SIPA1L2: variants seen among roughly 807,000 people sequenced by gnomAD.
SIPA1L2 encodes the protein signal induced proliferation associated 1 like 2, also known as signal-induced proliferation-associated 1-like protein 2.
SIPA1L2 carries 56 observed loss-of-function variants against 163.9 expected under a neutral mutation model. That is an observed-to-expected ratio of 0.34 (90% CI 0.28 to 0.43). SIPA1L2 has a LOEUF of 0.43. SIPA1L2 is among the 20% of genes least tolerant of loss of function. SIPA1L2 has a pLI of 1.00. For missense variants in SIPA1L2, 1,974 were observed against 2,193.5 expected (o/e 0.90, Z 2.00); for synonymous variants, 877 against 865.7 (o/e 1.01, Z -0.23).
chr1:232,564,654 C>T (rs1362013310), intron 2 of SIPA1L2, among the ~76,000 whole-genome samples: 2 of 152,010 alleles, frequency 1.3e-5, no homozygotes, highest in South Asian at 2.1e-4. Context: ...TTTAATTTAG[C>T]GTTTACTTTT....
At chr1:232,434,570 T>C (rs73111050) in intron 15 of SIPA1L2, among the ~76,000 whole-genome samples, 4,966 of 152,104 alleles carry the variant, frequency 0.033, 156 homozygotes, top group South Asian at 0.11. Flanking sequence ...CAAGGTGACC[T>C]GAGGAGTAAG....
chr1:232,482,961 C>T (rs1261853420), intron 6 of SIPA1L2, among the ~76,000 whole-genome samples: 1 of 152,170 alleles, frequency 6.6e-6, no homozygotes, highest in Non-Finnish European at 1.5e-5. Context: ...AGAGCAAGCA[C>T]TTAGTTGTTT....
At chr1:232,421,291 C>A (rs1661562096) in intron 18 of SIPA1L2, among the ~76,000 whole-genome samples, 1 of 152,158 alleles carries the variant, frequency 6.6e-6, no homozygotes, top group African/African-American at 2.4e-5. Flanking sequence ...GGAACCACTG[C>A]CTGCGCACCT....
At chr1:232,613,285 T>C (rs768675975) in intron 1 of SIPA1L2, among the ~76,000 whole-genome samples, 26 of 152,340 alleles carry the variant, frequency 1.7e-4, no homozygotes, top group Middle Eastern at 3.4e-3. Flanking sequence ...AGCAGTACTT[T>C]TTCAATGGAC....
In SIPA1L2 at chr1:232,480,166, T is replaced by C. The variant is rs140154481; in HGVS notation, c.1982-436A>G. 0.041 allele frequency among the ~76,000 whole-genome samples: 5,496 copies of C among 132,994 alleles called. 924 individuals carry two copies. The East Asian group carries it at 0.58, about 14-fold the overall frequency. The allele number at this position is 132,994 out of a possible 152,430, so 87.2% of individuals were successfully genotyped here. On this transcript the variant is annotated intron_variant, in intron 6 of 22. Transcript: ENST00000674635. ...GTGTGTGTGTGTGCGTGTGTGTGTG[T>C]GTGTGTGTGTGTGTGTGTGTGTGTG...
intron 1 of SIPA1L2, among the ~76,000 whole-genome samples, chr1:232,600,358 C>G (rs1025358670): frequency 6.6e-6 from 1 of 152,226 alleles, no homozygotes; most frequent in Admixed American, 6.5e-5. Flanking sequence ...TAAGTTATAG[C>G]CAAAATCAAT....
chr1:232,491,201 C>T, intron 4 of SIPA1L2, 139 bp from the exon 5 acceptor site: 1 of 698,890 alleles, frequency 1.4e-6, no homozygotes, highest in Non-Finnish European at 2.3e-6. Context: ...GACAGTGTTC[C>T]ATTTAAGGAA....
intron 10 of SIPA1L2, among the ~76,000 whole-genome samples, chr1:232,449,815 G>C (rs540954296): frequency 1.3e-5 from 2 of 152,284 alleles, no homozygotes; most frequent in East Asian, 3.9e-4. Flanking sequence ...GGGAGCCTAA[G>C]GGTCTAAGGA....
rs1314498165 is a variant in SIPA1L2, at chr1:232,398,330, C to A, written c.*797G>T. On this transcript the variant is annotated 3_prime_UTR_variant, in exon 23 of 23. Coordinates refer to ENST00000674635, the MANE Select transcript of SIPA1L2 (RefSeq NM_020808.5). ...CTGGCTCACAGCACACAGGGAAGTTCTAGTGAGTAAGCAGATTCACTCTCA... is the reference window on the plus strand; with the variant it reads ...CTGGCTCACAGCACACAGGGAAGTTATAGTGAGTAAGCAGATTCACTCTCA... The A allele has an allele frequency of 6.6e-6, 1 of 152,616 alleles. No individual in the cohort carries two copies. Among genetic ancestry groups the A allele is most frequent in the African/African-American group, 2.4e-5 (1 of 41,450 alleles). The allele number at this position is 152,616 out of a possible 1,614,324, so 9.5% of individuals were successfully genotyped here. A position where few individuals can be genotyped will look rare whatever the true frequency, so the allele number is the denominator to read the frequency against.
chr1:232,570,845 G>GA (rs1017291413), intron 2 of SIPA1L2, among the ~76,000 whole-genome samples: 2 of 143,664 alleles, frequency 1.4e-5, no homozygotes, highest in East Asian at 2.0e-4. Context: ...CAAAAATAAA[G>GA]AAAAAAAGCA....
chr1:232,499,719 C>T (rs1015559931), intron 3 of SIPA1L2, among the ~76,000 whole-genome samples: 2 of 152,218 alleles, frequency 1.3e-5, no homozygotes, highest in African/African-American at 4.8e-5. Context: ...ACAGATGAAA[C>T]AGCCTTCTAA....
intron 15 of SIPA1L2, among the ~76,000 whole-genome samples, chr1:232,436,064 G>A (rs894750510): frequency 1.3e-5 from 2 of 152,130 alleles, no homozygotes; most frequent in Non-Finnish European, 2.9e-5. Flanking sequence ...ACTGATTGGG[G>A]CTCCTGACAC....
intron 9 of SIPA1L2, among the ~76,000 whole-genome samples, chr1:232,462,021 C>G (rs1246315970): frequency 6.6e-6 from 1 of 152,166 alleles, no homozygotes; most frequent in Non-Finnish European, 1.5e-5. Context: ...AGGCCTGTCT[C>G]CTAGGGGCTG....
intron 19 of SIPA1L2, among the ~76,000 whole-genome samples, chr1:232,414,721 G>A (rs546018227): frequency 1.2e-4 from 18 of 152,242 alleles, no homozygotes; most frequent in African/African-American, 3.4e-4. Context: ...GCCTGCCATC[G>A]TAAAAACTCA....
chr1:232,420,605 G>A (rs1268904321), intron 18 of SIPA1L2, among the ~76,000 whole-genome samples: 1 of 152,164 alleles, frequency 6.6e-6, no homozygotes, highest in East Asian at 1.9e-4. Context: ...GGAGGCCGAG[G>A]CGGGCGGATC....
chr1:232,519,624 A>T (rs1196458102), intron 2 of SIPA1L2, among the ~76,000 whole-genome samples: 5 of 152,190 alleles, frequency 3.3e-5, no homozygotes, highest in Non-Finnish European at 7.3e-5. Context: ...TGTCATTCTA[A>T]CAGATTGTAA....
rs937430462 is a variant in SIPA1L2 at position 232,597,885 on chromosome 1, C to T, written c.-318-23663G>A. Among the ~76,000 whole-genome samples, 10 of 151,798 alleles carry T rather than the reference C, an allele frequency of 6.6e-5. 1 individual carries two copies. The highest frequency in any genetic ancestry group is 9.7e-5 in the African/African-American group (4 of 41,286). On this transcript the variant is annotated intron_variant, in intron 1 of 22. Coordinates refer to ENST00000674635, the MANE Select transcript of SIPA1L2 (RefSeq NM_020808.5). Reference sequence around the variant, plus strand: ...TTAGACAGGCTGAGTCTGAGGCACCCGAAAGAACACTTCGAAAGTGAAATA... The same window carrying T: ...TTAGACAGGCTGAGTCTGAGGCACCTGAAAGAACACTTCGAAAGTGAAATA...
intron 10 of SIPA1L2, among the ~76,000 whole-genome samples, chr1:232,460,006 T>G (rs1237217492): frequency 6.6e-6 from 1 of 152,080 alleles, no homozygotes; most frequent in Non-Finnish European, 1.5e-5. Context: ...AGCAAATTCC[T>G]GGATTCCAAG....
chr1:232,555,960 G>A (rs140725963), intron 2 of SIPA1L2, among the ~76,000 whole-genome samples: 117 of 152,262 alleles, frequency 7.7e-4, no homozygotes, highest in African/African-American at 1.4e-3. Flanking sequence ...TTGCAGAGAC[G>A]GCAAGCCATA....
Sources: allele counts gnomAD v4.1 joint callset (sites outside exome capture counted in the v4.1 genomes callset), GRCh38; gene constraint gnomAD v4.1.1; transcripts MANE v1.5; gene names NCBI Gene and HGNC (gene_info 2026-07-23, HGNC 2026-07-21).